RASSF3: variants seen among roughly 807,000 people sequenced by gnomAD.
RASSF3 encodes ras association domain-containing protein 3.
A neutral mutation model predicts 19.9 loss-of-function variants in RASSF3; 19 were observed. The observed-to-expected ratio is 0.96, with a 90% CI of 0.67 to 1.40. The LOEUF is 1.40. Ranked by LOEUF, RASSF3 falls within the 40% of genes most tolerant of loss-of-function variation. RASSF3 has a pLI of 0.00. For synonymous variants in RASSF3, 110 were observed against 104.2 expected (o/e 1.06, Z -0.34); for missense variants, 306 against 289.8 (o/e 1.06, Z -0.41).
At chr12:64,664,077 A>G (rs1872467041) in intron 1 of RASSF3, among the ~76,000 whole-genome samples, 2 of 152,116 alleles carry the variant, frequency 1.3e-5, no homozygotes, top group South Asian at 4.2e-4. Flanking sequence ...AGACCTGGTA[A>G]ACAGCAACTT....
At chr12:64,681,028 T>C (rs1873107529) in intron 1 of RASSF3, among the ~76,000 whole-genome samples, 1 of 152,192 alleles carries the variant, frequency 6.6e-6, no homozygotes, top group Admixed American at 6.5e-5. Context: ...GCTTACTCTT[T>C]GGATTTTCCT....
intron 1 of RASSF3, among the ~76,000 whole-genome samples, chr12:64,510,524 A>G (rs1222312029): frequency 6.6e-6 from 1 of 152,182 alleles, no homozygotes; most frequent in African/African-American, 2.4e-5. Context: ...TGAAAACATA[A>G]ATGGCCTCAG....
chr12:64,648,945 A>G (rs1046362659), intron 1 of RASSF3, among the ~76,000 whole-genome samples: 1 of 151,476 alleles, frequency 6.6e-6, no homozygotes, highest in Non-Finnish European at 1.5e-5. Context: ...AGCTAGGACT[A>G]TAGGTGTGTG....
At chr12:64,526,514 A>C (rs1861237390) in intron 1 of RASSF3, among the ~76,000 whole-genome samples, 2 of 151,456 alleles carry the variant, frequency 1.3e-5, no homozygotes, top group South Asian at 4.2e-4. Flanking sequence ...TACCTCTGTG[A>C]GTACAAAACT....
intron 1 of RASSF3, among the ~76,000 whole-genome samples, chr12:64,671,389 C>T (rs1716506): frequency 0.28 from 43,190 of 151,960 alleles, 6,644 homozygotes; most frequent in Non-Finnish European, 0.36. Context: ...CTGGCCTCGC[C>T]TCTTGTGATC....
chr12:64,606,053 C>G (rs1357349925), upstream of RASSF3, among the ~76,000 whole-genome samples: 1 of 152,084 alleles, frequency 6.6e-6, no homozygotes, highest in Non-Finnish European at 1.5e-5. Context: ...TACAGAATTC[C>G]TAGGTACCAT....
At chr12:64,656,333 C>T (rs1333166644) in intron 1 of RASSF3, among the ~76,000 whole-genome samples, 1 of 151,956 alleles carries the variant, frequency 6.6e-6, no homozygotes, top group Non-Finnish European at 1.5e-5. Flanking sequence ...ACTAGTGGGC[C>T]TGGGGTTTCT....
At chr12:64,629,641 T>A (rs1871104991) in intron 1 of RASSF3, among the ~76,000 whole-genome samples, 2 of 152,112 alleles carry the variant, frequency 1.3e-5, no homozygotes, top group South Asian at 2.1e-4. Flanking sequence ...ATTGGAAAAG[T>A]TGGCCTATGA....
At position 64,631,291 on chromosome 12, in the gene RASSF3, A is replaced by G. The variant is rs570028412; in HGVS notation, c.111+20548A>G. Among the ~76,000 whole-genome samples, 10 of 152,314 alleles carry G rather than the reference A, an allele frequency of 6.6e-5. No individual in the cohort carries two copies. In the South Asian group the frequency reaches 2.1e-3, roughly 32 times the overall value. On this transcript the variant is annotated intron_variant, in intron 1 of 4. Transcript: ENST00000542104. The stretch of plus-strand genomic sequence containing the variant: ...GGCTTGGCCATGGGACAAGTGCTTC[A>G]GAAAAGCCAAGAAGGCCTGGGGTGG...
intron 2 of RASSF3, among the ~76,000 whole-genome samples, chr12:64,556,342 G>C (rs563972299): frequency 6.6e-6 from 1 of 152,178 alleles, no homozygotes; most frequent in South Asian, 2.1e-4. Flanking sequence ...TTTTTTTGTA[G>C]AGATGGGGTC....
intron 2 of RASSF3, among the ~76,000 whole-genome samples, chr12:64,599,959 G>A (rs1008481670): frequency 2.0e-5 from 3 of 150,264 alleles, no homozygotes; most frequent in Non-Finnish European, 2.9e-5. Context: ...GTGAACCCAG[G>A]AGGCGGAGCT....
chr12:64,568,176 C>T (rs368925117), intron 2 of RASSF3, among the ~76,000 whole-genome samples: 3 of 152,150 alleles, frequency 2.0e-5, no homozygotes, highest in Non-Finnish European at 4.4e-5. Flanking sequence ...GGATTACAGG[C>T]GTGGGCCACC....
At chr12:64,648,176 C>A (rs1411068812) in intron 1 of RASSF3, among the ~76,000 whole-genome samples, 1 of 152,192 alleles carries the variant, frequency 6.6e-6, no homozygotes, top group African/African-American at 2.4e-5. Context: ...ACATGTGTGA[C>A]AGGCATAAAC....
At chr12:64,648,802 A>ATTTCTT in intron 1 of RASSF3, among the ~76,000 whole-genome samples, 1 of 104,994 alleles carries the variant, frequency 9.5e-6, no homozygotes, top group African/African-American at 3.9e-5. Context: ...TTTTACATTG[A>ATTTCTT]TTTTTTTTTT....
intron 2 of RASSF3, among the ~76,000 whole-genome samples, chr12:64,598,737 C>CT (rs71092988): frequency 0.096 from 14,110 of 146,842 alleles, 726 homozygotes; most frequent in Middle Eastern, 0.16. Flanking sequence ...ACACAGATTT[C>CT]TTTTTTTTTT....
chr12:64,598,503 C>T (rs573016343), intron 2 of RASSF3, among the ~76,000 whole-genome samples: 28 of 152,116 alleles, frequency 1.8e-4, no homozygotes, highest in Non-Finnish European at 3.1e-4. Context: ...TATAGCACAG[C>T]AGGGAACAAG....
intron 1 of RASSF3, among the ~76,000 whole-genome samples, chr12:64,668,446 A>AT (rs371438387): frequency 4.6e-5 from 7 of 151,882 alleles, no homozygotes; most frequent in African/African-American, 1.7e-4. Flanking sequence ...TAGTTTTTGT[A>AT]TTTTTTGTAG....
intron 1 of RASSF3, among the ~76,000 whole-genome samples, chr12:64,678,648 C>CAAAAAAAAAAAAAAAAAA (rs767180678): frequency 2.8e-4 from 25 of 90,870 alleles, no homozygotes; most frequent in South Asian, 1.4e-3. Flanking sequence ...TCCGTAATAC[C>CAAAAAAAAAAAAAAAAAA]AAAAAAAAAA....
intron 2 of RASSF3, among the ~76,000 whole-genome samples, chr12:64,586,575 T>C (rs1869807052): frequency 1.3e-5 from 2 of 151,450 alleles, no homozygotes; most frequent in Admixed American, 6.6e-5. Context: ...TGATTTATAT[T>C]ACAAGTATTA....
Sources: gnomAD v4.1 joint callset for allele counts (sites outside exome capture counted in the v4.1 genomes callset) on GRCh38, gnomAD v4.1.1 for gene constraint, MANE v1.5 for transcripts, NCBI Gene and HGNC (gene_info 2026-07-23, HGNC 2026-07-21) for gene names.